The following RASA3 variants were observed in gnomAD, a reference collection of about 807,000 sequenced individuals.
RASA3 encodes ras GTPase-activating protein 3.
In RASA3, 73 loss-of-function variants were observed where a neutral mutation model predicts 110.0. The observed-to-expected ratio is 0.66, with a 90% CI of 0.55 to 0.81. The LOEUF is 0.81. Among genes scored for constraint, RASA3 ranks in the 30% least tolerant of loss-of-function variants. The pLI is 0.00. For missense variants in RASA3, 976 were observed against 1,113.2 expected (o/e 0.88, Z 1.75); for synonymous variants, 500 against 451.4 (o/e 1.11, Z -1.37).
intron 1 of RASA3, among the ~76,000 whole-genome samples, chr13:114,119,909 C>CTT (rs1390157706): frequency 5.9e-5 from 2 of 33,798 alleles, no homozygotes; most frequent in African/African-American, 9.5e-5. Context: ...GCCCCCCTCC[C>CTT]CTCTCCAGCC....
intron 1 of RASA3, among the ~76,000 whole-genome samples, chr13:114,128,296 C>T (rs775557490): frequency 6.6e-6 from 1 of 152,238 alleles, no homozygotes; most frequent in Non-Finnish European, 1.5e-5. Flanking sequence ...AGCCCTAGCC[C>T]TCTGAAGACA....
chr13:114,052,870 GACCCCC>G (rs2079171763), intron 2 of RASA3, among the ~76,000 whole-genome samples: 17 of 140,492 alleles, frequency 1.2e-4, no homozygotes, highest in African/African-American at 4.4e-4. Flanking sequence ...CTGGGGGAGA[GACCCCC>G]GCTGCTGACT....
At chr13:114,019,705 C>T (rs1395281644) in intron 9 of RASA3, among the ~76,000 whole-genome samples, 1 of 149,666 alleles carries the variant, frequency 6.7e-6, no homozygotes, top group Non-Finnish European at 1.5e-5. Flanking sequence ...GAGGCATTAG[C>T]CCCCGCCAGG....
At chr13:114,067,300 G>A (rs1384593492) in intron 2 of RASA3, among the ~76,000 whole-genome samples, 8 of 152,250 alleles carry the variant, frequency 5.3e-5, no homozygotes, top group African/African-American at 1.7e-4. Context: ...CTGGGGCTGA[G>A]GATGGGTCCC....
chr13:114,081,170 A>G (rs1594437070), intron 1 of RASA3, among the ~76,000 whole-genome samples: 1 of 152,132 alleles, frequency 6.6e-6, no homozygotes, highest in Non-Finnish European at 1.5e-5. Context: ...GGTGCAAATG[A>G]CCCTCCTCTC....
chr13:114,038,458 A>G (rs1249961092), intron 4 of RASA3, among the ~76,000 whole-genome samples: 1 of 152,260 alleles, frequency 6.6e-6, no homozygotes, highest in African/African-American at 2.4e-5. Context: ...GTGCTTTCCC[A>G]GGAAGCAGAG....
intron 1 of RASA3, 50 bp downstream of exon 1, chr13:114,132,385 G>A: frequency 6.8e-7 from 1 of 1,468,226 alleles, no homozygotes; most frequent in South Asian, 1.3e-5. Context: ...CGCGGGAGAG[G>A]ACAGGGTCGG....
chr13:114,043,698 G>A (rs574882956), intron 3 of RASA3, among the ~76,000 whole-genome samples: 4 of 152,142 alleles, frequency 2.6e-5, no homozygotes, highest in African/African-American at 7.2e-5. Flanking sequence ...CAGCACATGT[G>A]GGAGAAGGAA....
At chr13:114,082,525 A>G (rs1289948478) in intron 1 of RASA3, among the ~76,000 whole-genome samples, 1 of 152,194 alleles carries the variant, frequency 6.6e-6, no homozygotes, top group Non-Finnish European at 1.5e-5. Context: ...GGGTGGACAC[A>G]CGCGCTTGAA....
At chr13:114,067,525 C>T (rs1236743611) in intron 2 of RASA3, among the ~76,000 whole-genome samples, 1 of 152,224 alleles carries the variant, frequency 6.6e-6, no homozygotes, top group African/African-American at 2.4e-5. Context: ...TCTCCCAAAC[C>T]ACCAACTTCC....
At chr13:113,993,001 A>G (rs1389625309) in intron 21 of RASA3, among the ~76,000 whole-genome samples, 1 of 152,232 alleles carries the variant, frequency 6.6e-6, no homozygotes, top group Non-Finnish European at 1.5e-5. Context: ...TTATCAATAC[A>G]TAAGAAATTT....
At chr13:114,000,977 T>C (rs1424879841) in intron 18 of RASA3, 45 bp from the exon 19 acceptor site, 1 of 1,342,346 alleles carries the variant, frequency 7.4e-7, no homozygotes, top group Non-Finnish European at 1.1e-6. Flanking sequence ...CTCAGCTGCC[T>C]CCCTGCACAG....
rs536089153 is a variant in RASA3, at chr13:114,081,841, C to T, written c.56-8004G>A. ...GAGACACACCGGTGCTGCACAGGAA[C>T]CCCCAGGGCCCCCGTGTTCCTAGCG... On this transcript the variant is annotated intron_variant, in intron 1 of 23. Transcript: ENST00000334062. Among the ~76,000 whole-genome samples, 14 of 152,284 alleles carry T rather than the reference C, an allele frequency of 9.2e-5. 1 individual carries two copies. In the South Asian group the frequency reaches 2.9e-3, roughly 32 times the overall value.
chr13:114,097,336 C>T (rs1309585815), intron 1 of RASA3, among the ~76,000 whole-genome samples: 2 of 152,206 alleles, frequency 1.3e-5, no homozygotes, highest in East Asian at 3.8e-4. Flanking sequence ...TACAAGCAGC[C>T]GGCAACCTGC....
At chr13:113,994,355 G>A (rs2053186610) in intron 21 of RASA3, among the ~76,000 whole-genome samples, 1 of 152,152 alleles carries the variant, frequency 6.6e-6, no homozygotes, top group South Asian at 2.1e-4. Context: ...GCTGTCTGGG[G>A]ATGGGTGGTT....
intron 13 of RASA3, among the ~76,000 whole-genome samples, chr13:114,015,913 G>A (rs151004523): frequency 4.6e-5 from 7 of 152,232 alleles, no homozygotes; most frequent in African/African-American, 7.2e-5. Context: ...CCTCCGGGGG[G>A]GCAGAGCTGG....
intron 1 of RASA3, among the ~76,000 whole-genome samples, chr13:114,098,023 C>G (rs1215594484): frequency 2.6e-5 from 4 of 152,210 alleles, no homozygotes; most frequent in African/African-American, 9.7e-5. Context: ...AGGCAGCTCT[C>G]AGCCCTCAGC....
At chr13:113,980,754 C>A (rs2052915088) in intron 23 of RASA3, among the ~76,000 whole-genome samples, 1 of 152,234 alleles carries the variant, frequency 6.6e-6, no homozygotes, top group Admixed American at 6.5e-5. Context: ...CGGTCCAAGT[C>A]CGGGCCACAG....
intron 1 of RASA3, among the ~76,000 whole-genome samples, chr13:114,127,560 C>T (rs965455104): frequency 6.6e-6 from 1 of 152,228 alleles, no homozygotes; most frequent in African/African-American, 2.4e-5. Context: ...CTCTGTTCTC[C>T]AGCCCTCCAT....
Sources: allele counts gnomAD v4.1 joint callset (sites outside exome capture counted in the v4.1 genomes callset), GRCh38; gene constraint gnomAD v4.1.1; transcripts MANE v1.5; gene names NCBI Gene and HGNC (gene_info 2026-07-23, HGNC 2026-07-21).